The following MUC4 variants were observed in gnomAD, a reference collection of about 807,000 sequenced individuals.
MUC4 encodes mucin-4.
A neutral mutation model predicts 257.9 loss-of-function variants in MUC4; 202 were observed. The ratio of observed to expected loss-of-function variants is 0.78; its 90% CI spans 0.70 to 0.88. MUC4 has a LOEUF of 0.88. Ranked by LOEUF, MUC4 falls within the 40% of genes least tolerant of loss-of-function variation. The pLI, the probability that MUC4 is intolerant of heterozygous loss-of-function variation, is 0.00. For missense variants in MUC4, 5,976 were observed against 6,513.7 expected (o/e 0.92, Z 2.84); for synonymous variants, 2,351 against 2,757.1 (o/e 0.85, Z 4.62).
intron 14 of MUC4, 35 bp downstream of exon 14, chr3:195,762,052 G>C: frequency 6.4e-7 from 1 of 1,555,696 alleles, no homozygotes; most frequent in Non-Finnish European, 8.6e-7. Context: ...GGCTGGCTCC[G>C]CGGAGCCTCA....
chr3:195,768,767 G>C (rs1332875281), intron 7 of MUC4, among the ~76,000 whole-genome samples: 4 of 152,224 alleles, frequency 2.6e-5, no homozygotes, highest in Non-Finnish European at 4.4e-5. Flanking sequence ...GTGGAAATCA[G>C]GGAAGCCAAA....
In MUC4 at chr3:195,765,395, C is replaced by T. The variant is rs756663963; in HGVS notation, c.13673G>A (p.Arg4558His). 2.5e-5 allele frequency: 41 copies of T among 1,613,450 alleles called. No homozygotes were observed. Among genetic ancestry groups the T allele is most frequent in the South Asian group, 1.1e-4 (10 of 91,076 alleles). ...CTTCAGCCACTGCAGGCACTCGAGA[C>T]GGTAGTTGGGCCTTTCTTCCCGGTG... ...RLHREERPNY[R>H]LECLQWLKSQ... Residue 4558 changes from arginine (R) to histidine (H), a missense_variant, in exon 9 of 25, where the codon CGT (arginine) becomes CAT (histidine). Physicochemically the swap from Arg to His is conservative, Grantham distance 29. Transcript: ENST00000463781.
chr3:195,774,027 G>T lies in MUC4; in HGVS notation c.13077+145C>A, dbSNP rs955006742. On this transcript the variant is annotated intron_variant, in intron 4 of 24. Transcript: ENST00000463781. ...GGCACCCTGTGTTCCTCAGGCAGAG[G>T]CCTGACATTAAGGAGGCTGTGGGGA... The T allele has an allele frequency of 6.1e-6, 7 of 1,141,010 alleles. No homozygotes were observed. The African/African-American group carries it at 9.8e-5, about 16-fold the overall frequency. 70.7% of individuals were successfully genotyped at this position (1,141,010 alleles called of 1,614,324 possible).
chr3:195,762,391 G>C (rs1479753450), intron 13 of MUC4, 137 bp from the exon 14 acceptor site: 2 of 975,370 alleles, frequency 2.1e-6, no homozygotes, highest in East Asian at 5.4e-5. Context: ...TGGAGGCGGA[G>C]AAGAGGCCGG....
chr3:195,804,462 C>T (rs1404941652), intron 1 of MUC4, among the ~76,000 whole-genome samples: 3 of 152,226 alleles, frequency 2.0e-5, no homozygotes, highest in African/African-American at 4.8e-5. Flanking sequence ...AGGGTGAAGC[C>T]ACTCCCTGAA....
intron 12 of MUC4, 58 bp downstream of exon 12, chr3:195,763,375 T>C (rs1719668625): frequency 7.2e-7 from 1 of 1,381,248 alleles, no homozygotes; most frequent in Non-Finnish European, 9.4e-7. Context: ...GGCCTCAGTA[T>C]GTGGCTGAAG....
chr3:195,807,147 C>T (rs1736083318), intron 1 of MUC4, among the ~76,000 whole-genome samples: 1 of 152,102 alleles, frequency 6.6e-6, no homozygotes, highest in Non-Finnish European at 1.5e-5. Context: ...TCAGAGTCTC[C>T]AGGAAAAGGG....
At position 195,757,696 on chromosome 3, in the gene MUC4, C is replaced by G. The variant is rs1485877761; in HGVS notation, c.14987-368G>C. On this transcript the variant is annotated intron_variant, in intron 17 of 24. Coordinates refer to ENST00000463781, the MANE Select transcript of MUC4 (RefSeq NM_018406.7). The surrounding 1 kb of genome is among the most constrained non-coding windows in gnomAD (Gnocchi z 4.8). Reference sequence around the variant, plus strand: ...CACCTCCCCAGGCTGCGCTGCCGGCCAAACTGGCTTCACTCTCACGGCAGC... The same window carrying G: ...CACCTCCCCAGGCTGCGCTGCCGGCGAAACTGGCTTCACTCTCACGGCAGC... Among the ~76,000 whole-genome samples, 2 of 152,154 alleles carry G rather than the reference C, an allele frequency of 1.3e-5. No homozygotes were observed. The highest frequency in any genetic ancestry group is 1.3e-4 in the Admixed American group (2 of 15,276).
intron 14 of MUC4, 144 bp downstream of exon 14, chr3:195,761,942 TC>T (rs1719033987): frequency 2.9e-6 from 3 of 1,031,690 alleles, no homozygotes; most frequent in Non-Finnish European, 2.7e-6. Flanking sequence ...GCCCCTCGGC[TC>T]CCGGCCCGCT....
rs551741378 is a variant in MUC4 at position 195,781,443 on chromosome 3, G to T, written c.10137C>A (p.Val3379=). 2.0e-6 allele frequency: 3 copies of T among 1,533,680 alleles called. 1 individual carries two copies. The African/African-American group carries it at 4.4e-5, about 23-fold the overall frequency. ...ASTGDTTRLP[V]TDISSASTGQ... ...CTGTGGATGCCGAGGAAATGTCGGT[G>T]ACAGGAAGACGGGTGGTGTCACCTG... is the stretch of plus-strand genomic sequence containing the variant. The change falls in exon 2 of 25, where the codon GTC becomes GTA. Residue 3379 remains valine, a synonymous_variant. Transcript: ENST00000463781.
Position 195,781,564 on chromosome 3 carries a change from G to T in MUC4, c.10016C>A (p.Thr3339Lys). Reference protein sequence around the residue: ...LHVTSPSSASTGDTTPVPVTD... With the variant: ...LHVTSPSSASKGDTTPVPVTD... Reference sequence around the variant, plus strand: ...GACAGGCACAGGGGTGGTGTCACCTGTGGATGCTGAGGAAGGGCTGGTGAC... The same window carrying T: ...GACAGGCACAGGGGTGGTGTCACCTTTGGATGCTGAGGAAGGGCTGGTGAC... Residue 3339 changes from threonine to lysine, a missense_variant, in exon 2 of 25, where the codon ACA becomes AAA. Thr to Lys is a moderately conservative substitution (Grantham distance 78). This residue lies in a region of MUC4 where 72 missense variants were observed against 33.5 expected (regional missense o/e 2.15). Coordinates refer to ENST00000463781, the MANE Select transcript of MUC4 (RefSeq NM_018406.7). 2 of 1,282,784 alleles carry T rather than the reference G, an allele frequency of 1.6e-6. No homozygotes were observed. Among genetic ancestry groups the T allele is most frequent in the Non-Finnish European group, 1.1e-6 (1 of 943,556 alleles). 79.5% of individuals were successfully genotyped at this position (1,282,784 alleles called of 1,614,324 possible). A position where few individuals can be genotyped will look rare whatever the true frequency, so the allele number is the denominator to read the frequency against.
chr3:195,798,458 C>T (rs1734822521), intron 1 of MUC4, among the ~76,000 whole-genome samples: 1 of 152,168 alleles, frequency 6.6e-6, no homozygotes, highest in Non-Finnish European at 1.5e-5. Flanking sequence ...AATCCCAGCG[C>T]TTTGTGAGGC....
chr3:195,748,231 G>A (rs1715532818), intron 24 of MUC4, among the ~76,000 whole-genome samples: 1 of 152,268 alleles, frequency 6.6e-6, no homozygotes, highest in African/African-American at 2.4e-5. Context: ...TTTCCCACAA[G>A]GAGACAGCAG....
intron 15 of MUC4, 151 bp downstream of exon 15, chr3:195,761,333 C>T: frequency 1.3e-6 from 1 of 750,916 alleles, no homozygotes; most frequent in Non-Finnish European, 2.2e-6. Flanking sequence ...GGCAGGTGGG[C>T]TGGTGGTGGT....
Position 195,779,326 on chromosome 3 carries a change from T to TG in MUC4, c.12253_12254insC (p.Asp4085AlafsTer25), listed in dbSNP as rs1726047558. Reference sequence around the variant, plus strand: ...GTGACCGGTGGATGCTGAGGAAGCATCGGTGACAGGAAGAGTGCTGGTGTC... The same window carrying TG: ...GTGACCGGTGGATGCTGAGGAAGCATGCGGTGACAGGAAGAGTGCTGGTGTC... On this transcript the variant is annotated frameshift_variant, in exon 2 of 25. Coordinates refer to ENST00000463781, the MANE Select transcript of MUC4 (RefSeq NM_018406.7). LOFTEE classifies it high-confidence loss of function. 3.1e-6 allele frequency: 3 copies of TG among 978,032 alleles called. 1 individual carries two copies. Among genetic ancestry groups the TG allele is most frequent in the African/African-American group, 2.5e-5 (1 of 39,412 alleles). 60.6% of individuals were successfully genotyped at this position (978,032 alleles called of 1,614,324 possible). A position where few individuals can be genotyped will look rare whatever the true frequency, so the allele number is the denominator to read the frequency against.
chr3:195,801,519 T>C (rs1735311407), intron 1 of MUC4, among the ~76,000 whole-genome samples: 1 of 151,870 alleles, frequency 6.6e-6, no homozygotes, highest in South Asian at 2.1e-4. Flanking sequence ...TTTCTCCTTC[T>C]CTCCTGCCTG....
chr3:195,756,638 CTTTCTTTCT>C (rs1322870584), intron 18 of MUC4, among the ~76,000 whole-genome samples: 1 of 110,032 alleles, frequency 9.1e-6, no homozygotes, highest in Non-Finnish European at 1.9e-5. Context: ...TTCCCTCCTT[CTTTCTTTCT>C]TTTCTTTTCT....
At position 195,804,133 on chromosome 3, in the gene MUC4, C is replaced by T. The variant is rs115660429; in HGVS notation, c.82+7603G>A. ...CATCCAGGGACGAGGAGGGCACTGG[C>T]GTTGGCACTGAGGTAGAGACGTTCC... On this transcript the variant is annotated intron_variant, in intron 1 of 24. Transcript: ENST00000463781. Among the ~76,000 whole-genome samples the T allele has an allele frequency of 2.6e-5, 4 of 152,332 alleles. No homozygotes were observed. In the South Asian group the frequency reaches 8.3e-4, roughly 32 times the overall value.
intron 7 of MUC4, among the ~76,000 whole-genome samples, chr3:195,767,861 C>G (rs904924701): frequency 1.0e-5 from 1 of 95,420 alleles, no homozygotes. Flanking sequence ...CACCATCACC[C>G]CCAACACCAC....
Sources: allele counts gnomAD v4.1 joint callset (sites outside exome capture counted in the v4.1 genomes callset), GRCh38; gene constraint gnomAD v4.1.1; regional missense constraint gnomAD v4.1.1; non-coding constraint Gnocchi (gnomAD v3.1); transcripts MANE v1.5; gene names NCBI Gene and HGNC (gene_info 2026-07-23, HGNC 2026-07-21).